NRG3: variants seen among roughly 807,000 people sequenced by gnomAD.
The protein encoded by NRG3 is pro-neuregulin-3, membrane-bound isoform.
NRG3 carries 31 observed loss-of-function variants against 66.9 expected under a neutral mutation model. That is an observed-to-expected ratio of 0.46 (90% confidence interval 0.35 to 0.63). The LOEUF is 0.63. NRG3 is among the 20% of genes least tolerant of loss of function. The pLI, the probability that NRG3 is intolerant of heterozygous loss-of-function variation, is 0.00. For missense variants in NRG3, 910 were observed against 878.9 expected (o/e 1.04, Z -0.45); for synonymous variants, 393 against 359.4 (o/e 1.09, Z -1.06).
intron 1 of NRG3, among the ~76,000 whole-genome samples, chr10:82,256,429 G>C (rs1421935570): frequency 6.6e-6 from 1 of 152,002 alleles, no homozygotes; most frequent in Non-Finnish European, 1.5e-5. Flanking sequence ...TCTTTTTCTT[G>C]TATGGCTCAC....
chr10:81,972,674 G>A (rs1259671322), intron 1 of NRG3, among the ~76,000 whole-genome samples: 1 of 152,118 alleles, frequency 6.6e-6, no homozygotes, highest in Non-Finnish European at 1.5e-5. Context: ...TGGGACATTA[G>A]TGATCTGTGG....
At chr10:82,121,790 C>T (rs2068107695) in intron 1 of NRG3, among the ~76,000 whole-genome samples, 1 of 152,028 alleles carries the variant, frequency 6.6e-6, no homozygotes, top group Non-Finnish European at 1.5e-5. Context: ...ACTACAGGTA[C>T]ATGCCTGGCT....
intron 2 of NRG3, among the ~76,000 whole-genome samples, chr10:82,642,288 A>G (rs1264501762): frequency 6.6e-6 from 1 of 151,700 alleles, no homozygotes; most frequent in Non-Finnish European, 1.5e-5. Context: ...TAATAGAAGT[A>G]TATTACAGCT....
intron 1 of NRG3, among the ~76,000 whole-genome samples, chr10:82,347,760 G>T (rs911970355): frequency 2.0e-5 from 3 of 152,122 alleles, no homozygotes; most frequent in South Asian, 2.1e-4. Context: ...CCTGTATTGG[G>T]TGCATATATA....
intron 1 of NRG3, among the ~76,000 whole-genome samples, chr10:82,269,187 A>C (rs2134289864): frequency 6.6e-6 from 1 of 152,222 alleles, no homozygotes; most frequent in South Asian, 2.1e-4. Flanking sequence ...TCTTTCTAGA[A>C]GTTCACTTCT....
At chr10:82,186,459 G>C (rs997387111) in intron 1 of NRG3, among the ~76,000 whole-genome samples, 2 of 152,158 alleles carry the variant, frequency 1.3e-5, no homozygotes, top group Non-Finnish European at 2.9e-5. Flanking sequence ...CTCCGGCTGT[G>C]ACCACTGAGG....
chr10:82,098,105 A>T (rs2066475217), intron 1 of NRG3, among the ~76,000 whole-genome samples: 1 of 151,326 alleles, frequency 6.6e-6, no homozygotes, highest in Admixed American at 6.6e-5. Flanking sequence ...TATGTCTCAT[A>T]TATAGATGTC....
intron 2 of NRG3, among the ~76,000 whole-genome samples, chr10:82,625,236 C>A (rs972678598): frequency 6.6e-6 from 1 of 151,756 alleles, no homozygotes; most frequent in African/African-American, 2.4e-5. Context: ...AAAACAGAGG[C>A]TTGTATGATA....
In NRG3 at chr10:82,139,353, T is replaced by C. The variant is rs527553038; in HGVS notation, c.824-219386T>C. ...AGCCAACATGGAAAATGTAAGGCAG[T>C]TAACTTTATAAATGACACCATCATG... On this transcript the variant is annotated intron_variant, in intron 1 of 8. Coordinates refer to ENST00000372141, the MANE Select transcript of NRG3 (RefSeq NM_001010848.4). Among the ~76,000 whole-genome samples the C allele has an allele frequency of 5.3e-5, 8 of 152,292 alleles. No homozygotes were observed. In the East Asian group the frequency reaches 1.5e-3, roughly 29 times the overall value.
chr10:82,007,214 T>C (rs928720066), intron 1 of NRG3, among the ~76,000 whole-genome samples: 3 of 148,034 alleles, frequency 2.0e-5, no homozygotes, highest in African/African-American at 7.4e-5. Flanking sequence ...TTCTTTTCTT[T>C]TTTTTTTTTT....
chr10:82,282,814 C>T (rs1244302839), intron 1 of NRG3, among the ~76,000 whole-genome samples: 2 of 152,042 alleles, frequency 1.3e-5, no homozygotes, highest in Non-Finnish European at 2.9e-5. Flanking sequence ...AGCACCTCCA[C>T]AAAATTTTTA....
chr10:82,358,717 C>A, intron 1 of NRG3, 22 bp from the exon 2 acceptor site: 1 of 1,613,864 alleles, frequency 6.2e-7, no homozygotes, highest in Non-Finnish European at 8.5e-7. Flanking sequence ...GACAGCGTTT[C>A]CCCCTGTGCT....
At chr10:81,972,204 A>G (rs534430150) in intron 1 of NRG3, among the ~76,000 whole-genome samples, 9 of 152,336 alleles carry the variant, frequency 5.9e-5, no homozygotes, top group African/African-American at 1.9e-4. Flanking sequence ...AAGTAATGTA[A>G]GTACATTCTA....
rs571032114 is a variant in NRG3, at chr10:82,954,500, G to A, written c.1157+2929G>A. On this transcript the variant is annotated intron_variant, in intron 5 of 8. Transcript: ENST00000372141. Reference sequence around the variant, plus strand: ...CTGCACAGAAGCTAGAGCACCAAGCGGGACATTGTTATCTTTCTGTCTACC... The same window carrying A: ...CTGCACAGAAGCTAGAGCACCAAGCAGGACATTGTTATCTTTCTGTCTACC... Among the ~76,000 whole-genome samples the A allele has an allele frequency of 1.4e-4, 21 of 151,884 alleles. 1 individual carries two copies. Among genetic ancestry groups the A allele is most frequent in the Middle Eastern group, 3.4e-3 (1 of 294 alleles).
intron 3 of NRG3, among the ~76,000 whole-genome samples, chr10:82,783,054 A>G (rs1215777073): frequency 6.6e-6 from 1 of 152,220 alleles, no homozygotes; most frequent in African/African-American, 2.4e-5. Context: ...CTGGTTCAAT[A>G]TACGCAAATC....
chr10:82,787,791 A>G (rs2135344912), intron 3 of NRG3, among the ~76,000 whole-genome samples: 1 of 152,284 alleles, frequency 6.6e-6, no homozygotes, highest in South Asian at 2.1e-4. Context: ...AAAGTCAAAT[A>G]CAAATGTCAA....
intron 1 of NRG3, among the ~76,000 whole-genome samples, chr10:82,196,172 C>T (rs988623839): frequency 6.6e-6 from 1 of 152,162 alleles, no homozygotes; most frequent in African/African-American, 2.4e-5. Context: ...AAGATGAAAA[C>T]ATGGCGGGAT....
At position 81,875,733 on chromosome 10, in the gene NRG3, C is replaced by T. The variant is rs774608618; in HGVS notation, c.393C>T (p.Thr131=). Residue 131 remains threonine, a synonymous_variant, in exon 1 of 9, where the codon ACC becomes ACT. Transcript: ENST00000372141. This position sits in a 1 kb window ranked among gnomAD's most constrained non-coding sequence, Gnocchi z 5.3. ...AGGCCATGGAGACCACCACCACTAC[C>T]ACTTCCACCACGTCCCCCGCCACCC... is the stretch of plus-strand genomic sequence containing the variant. ...FPKAMETTTT[T]TSTTSPATPS... The T allele has an allele frequency of 6.2e-7, 1 of 1,613,236 alleles. No individual in the cohort carries two copies. Among genetic ancestry groups the T allele is most frequent in the East Asian group, 2.2e-5 (1 of 44,824 alleles).
chr10:82,467,209 G>A (rs1270498579), intron 2 of NRG3, among the ~76,000 whole-genome samples: 1 of 152,152 alleles, frequency 6.6e-6, no homozygotes, highest in Non-Finnish European at 1.5e-5. Flanking sequence ...GCCCATTATT[G>A]TACTCACTAA....
Sources: gnomAD v4.1 joint callset for allele counts (sites outside exome capture counted in the v4.1 genomes callset) on GRCh38, gnomAD v4.1.1 for gene constraint, Gnocchi (gnomAD v3.1) non-coding constraint, MANE v1.5 for transcripts, NCBI Gene and HGNC (gene_info 2026-07-23, HGNC 2026-07-21) for gene names.